The following P4HA1 variants were observed in gnomAD, a reference collection of about 807,000 sequenced individuals.
P4HA1 encodes the protein prolyl 4-hydroxylase subunit alpha 1.
A neutral mutation model predicts 72.8 loss-of-function variants in P4HA1; 24 were observed. That is an observed-to-expected ratio of 0.33 (90% CI 0.24 to 0.46). The LOEUF is 0.46. Among genes scored for constraint, P4HA1 ranks in the 20% least tolerant of loss-of-function variants. The pLI is 1.00. For missense variants in P4HA1, 446 were observed against 640.6 expected, an observed-to-expected ratio of 0.70 and a Z score of 3.28; for synonymous variants, 201 against 218.8, an observed-to-expected ratio of 0.92 and a Z score of 0.72.
At chr10:73,037,236 T>C (rs1840594867) in intron 9 of P4HA1, among the ~76,000 whole-genome samples, 1 of 150,748 alleles carries the variant, frequency 6.6e-6, no homozygotes, top group Non-Finnish European at 1.5e-5. Flanking sequence ...TGACAGGACC[T>C]GAAGCCAAAG....
chr10:73,021,795 C>T (rs545456251), intron 10 of P4HA1, among the ~76,000 whole-genome samples: 292 of 152,350 alleles, frequency 1.9e-3, no homozygotes, highest in African/African-American at 2.9e-3. Context: ...CCACATACTG[C>T]GCTTTTCCCA....
At chr10:73,064,231 C>G (rs1018001056) in intron 5 of P4HA1, among the ~76,000 whole-genome samples, 2 of 152,108 alleles carry the variant, frequency 1.3e-5, no homozygotes, top group African/African-American at 2.4e-5. Flanking sequence ...CTTTGGGAGG[C>G]TGCGGGGTGC....
At chr10:73,028,427 G>GTTTA (rs758066793) in intron 10 of P4HA1, among the ~76,000 whole-genome samples, 24 of 151,842 alleles carry the variant, frequency 1.6e-4, no homozygotes, top group African/African-American at 4.1e-4. Context: ...TAAATTAACA[G>GTTTA]TTTATTTATT....
At chr10:73,032,888 CAG>C (rs1476213536) in intron 9 of P4HA1, among the ~76,000 whole-genome samples, 12 of 152,094 alleles carry the variant, frequency 7.9e-5, no homozygotes, top group African/African-American at 2.7e-4. Context: ...ACATGACAAA[CAG>C]GGTGGATTCT....
At chr10:73,017,083 A>G (rs1482605420) in intron 10 of P4HA1, among the ~76,000 whole-genome samples, 184 bp from the exon 11 acceptor site, 1 of 152,004 alleles carries the variant, frequency 6.6e-6, no homozygotes, top group Non-Finnish European at 1.5e-5. Context: ...GACAGCTACT[A>G]TATATCTATG....
chr10:73,059,423 TTAA>T (rs1841248943), intron 5 of P4HA1, among the ~76,000 whole-genome samples: 1 of 47,580 alleles, frequency 2.1e-5, no homozygotes, highest in African/African-American at 9.0e-5. Context: ...GACAATATAT[TTAA>T]AAAAAAAAAA....
chr10:73,030,516 T>C, intron 9 of P4HA1, 146 bp from the exon 10 acceptor site: 1 of 418,858 alleles, frequency 2.4e-6, no homozygotes, highest in South Asian at 8.6e-5. Flanking sequence ...CTTAGTATCA[T>C]CTTTATTAAT....
At chr10:73,092,007 T>C (rs961358691) in intron 1 of P4HA1, among the ~76,000 whole-genome samples, 1 of 152,170 alleles carries the variant, frequency 6.6e-6, no homozygotes, top group African/African-American at 2.4e-5. Context: ...GGCTATTCTG[T>C]CAAAATTCCA....
intron 1 of P4HA1, among the ~76,000 whole-genome samples, chr10:73,089,217 T>C (rs964403499): frequency 1.3e-5 from 2 of 152,222 alleles, no homozygotes; most frequent in Non-Finnish European, 2.9e-5. Flanking sequence ...GCTAATGAGA[T>C]GGGAATTTTT....
intron 8 of P4HA1, among the ~76,000 whole-genome samples, chr10:73,045,939 T>C (rs1311125926): frequency 6.6e-6 from 1 of 151,712 alleles, no homozygotes; most frequent in Non-Finnish European, 1.5e-5. Flanking sequence ...AACTTCATTT[T>C]GTAGTATAGA....
intron 12 of P4HA1, 68 bp from the exon 13 acceptor site, chr10:73,011,105 CTT>C (rs1839902338): frequency 8.7e-7 from 1 of 1,146,594 alleles, no homozygotes; most frequent in African/African-American, 1.5e-5. Flanking sequence ...ATTATATAGA[CTT>C]GATATTGGAT....
intron 9 of P4HA1, chr10:73,044,061 A>G (rs2133085460): frequency 1.5e-6 from 1 of 682,992 alleles, no homozygotes; most frequent in East Asian, 2.7e-5. Flanking sequence ...AAGGGTTCAG[A>G]TTGGTCTGGA....
At chr10:73,060,973 C>CA (rs1177339586) in intron 5 of P4HA1, among the ~76,000 whole-genome samples, 3 of 151,924 alleles carry the variant, frequency 2.0e-5, no homozygotes, top group Non-Finnish European at 4.4e-5. Context: ...CCAAATGGTT[C>CA]ATGAAGGATG....
At chr10:73,067,242 T>C (rs1019231118) in intron 5 of P4HA1, among the ~76,000 whole-genome samples, 1 of 152,188 alleles carries the variant, frequency 6.6e-6, no homozygotes, top group Admixed American at 6.5e-5. Flanking sequence ...AATTCTACTA[T>C]TCTACTCTAA....
chr10:73,029,276 T>C lies in P4HA1; in HGVS notation c.1248+995A>G, dbSNP rs538121248. On this transcript the variant is annotated intron_variant, in intron 10 of 14. Transcript: ENST00000394890. Reference sequence around the variant, plus strand: ...AAAATACAAAATTAGCTCAGTGTGGTGGCGCATGCCTGTAATCCCAGCTAC... The same window carrying C: ...AAAATACAAAATTAGCTCAGTGTGGCGGCGCATGCCTGTAATCCCAGCTAC... 6.6e-5 allele frequency among the ~76,000 whole-genome samples: 10 copies of C among 151,364 alleles called. No individual in the cohort carries two copies. In the South Asian group the frequency reaches 2.1e-3, roughly 32 times the overall value.
chr10:73,064,952 C>G (rs1208442973), intron 5 of P4HA1, among the ~76,000 whole-genome samples: 1 of 152,190 alleles, frequency 6.6e-6, no homozygotes, highest in Non-Finnish European at 1.5e-5. Flanking sequence ...CACAAGAACA[C>G]TTAATGGATC....
intron 9 of P4HA1, among the ~76,000 whole-genome samples, chr10:73,041,025 C>T (rs1485392249): frequency 6.6e-6 from 1 of 152,094 alleles, no homozygotes. Context: ...TATCTCAAAA[C>T]ATGTCTATGC....
intron 13 of P4HA1, 31 bp from the exon 14 acceptor site, chr10:73,009,934 G>T: frequency 4.3e-6 from 5 of 1,154,770 alleles, no homozygotes; most frequent in Non-Finnish European, 6.5e-6. Flanking sequence ...TTATCCCCAA[G>T]TATACAATGC....
rs1458886141 is a variant in P4HA1 at position 73,011,096 on chromosome 10, T to C, written c.1369-59A>G. 6.4e-6 allele frequency: 8 copies of C among 1,241,306 alleles called. No homozygotes were observed. In the South Asian group the frequency reaches 1.0e-4, roughly 16 times the overall value. 76.9% of individuals were successfully genotyped at this position (1,241,306 alleles called of 1,614,324 possible). Reference sequence around the variant, plus strand: ...TGGTAGAATAAAGTAAAACATGCCATTATATAGACTTGATATTGGATACTA... The same window carrying C: ...TGGTAGAATAAAGTAAAACATGCCACTATATAGACTTGATATTGGATACTA... On this transcript the variant is annotated intron_variant, in intron 12 of 14. Transcript: ENST00000394890.
Sources: allele counts gnomAD v4.1 joint callset (sites outside exome capture counted in the v4.1 genomes callset), GRCh38; gene constraint gnomAD v4.1.1; transcripts MANE v1.5; gene names NCBI Gene and HGNC (gene_info 2026-07-23, HGNC 2026-07-21).